Variants in KCNN2 observed in about 807,000 individuals in gnomAD.
KCNN2 encodes potassium calcium-activated channel subfamily N member 2.
A neutral mutation model predicts 55.5 loss-of-function variants in KCNN2; 24 were observed. The ratio of observed to expected loss-of-function variants is 0.43; its 90% CI spans 0.31 to 0.61. The LOEUF (loss-of-function observed/expected upper bound fraction) is 0.61. Among genes scored for constraint, KCNN2 ranks in the 20% least tolerant of loss-of-function variants. KCNN2 has a pLI of 0.08. For synonymous variants in KCNN2, 431 were observed against 336.1 expected, an observed-to-expected ratio of 1.28 and a Z score of -3.09; for missense variants, 754 against 853.6, an observed-to-expected ratio of 0.88 and a Z score of 1.45.
Position 114,356,519 on chromosome 5 carries a change from T to C in KCNN2, c.-184-4426T>C, listed in dbSNP as rs933079052. Among the ~76,000 whole-genome samples the C allele has an allele frequency of 3.9e-5, 6 of 152,126 alleles. No individual in the cohort carries two copies. In the South Asian group the frequency reaches 1.2e-3, roughly 32 times the overall value. On this transcript the variant is annotated intron_variant, in intron 2 of 10. Transcript: ENST00000512097. ...GCAAACTCAGTATGAGTTTTACTTTTGTCTTTTTTTGCTGGCATTGCAGAG... is the reference window on the plus strand; with the variant it reads ...GCAAACTCAGTATGAGTTTTACTTTCGTCTTTTTTTGCTGGCATTGCAGAG...
chr5:114,171,497 A>C (rs1001810169), intron 1 of KCNN2, among the ~76,000 whole-genome samples: 1 of 151,790 alleles, frequency 6.6e-6, no homozygotes, highest in African/African-American at 2.4e-5. Flanking sequence ...ACAGCACTCC[A>C]TTTCTCCTTC....
At chr5:114,495,856 G>T in intron 7 of KCNN2, 39 bp from the exon 8 acceptor site, 3 of 1,583,036 alleles carry the variant, frequency 1.9e-6, no homozygotes, top group Non-Finnish European at 8.6e-7. Flanking sequence ...TGTGTTCAGG[G>T]CAAGTATAAT....
intron 1 of KCNN2, among the ~76,000 whole-genome samples, chr5:114,116,491 C>T (rs535463881): frequency 1.3e-5 from 2 of 152,152 alleles, no homozygotes; most frequent in African/African-American, 4.8e-5. Flanking sequence ...ATATTTTCCT[C>T]ATGTATATAG....
At chr5:114,177,533 G>C (rs931830754) in intron 1 of KCNN2, among the ~76,000 whole-genome samples, 2 of 151,618 alleles carry the variant, frequency 1.3e-5, no homozygotes, top group African/African-American at 4.8e-5. Context: ...AGCCTTGGGG[G>C]ACTTGTGAAA....
intron 2 of KCNN2, among the ~76,000 whole-genome samples, chr5:114,334,286 G>A (rs1469934425): frequency 6.6e-6 from 1 of 151,264 alleles, no homozygotes; most frequent in Admixed American, 6.6e-5. Flanking sequence ...GTGTGTGTGT[G>A]TGTGTGTGTG....
At chr5:114,315,404 C>T (rs1164200397) in intron 2 of KCNN2, among the ~76,000 whole-genome samples, 1 of 149,470 alleles carries the variant, frequency 6.7e-6, no homozygotes, top group Non-Finnish European at 1.5e-5. Context: ...GAGTGTACCA[C>T]CCATGGAAGG....
chr5:114,449,908 A>ACACGCG (rs1309590184), intron 3 of KCNN2, among the ~76,000 whole-genome samples: 7 of 66,188 alleles, frequency 1.1e-4, no homozygotes, highest in African/African-American at 2.4e-4. Flanking sequence ...ACACACACAC[A>ACACGCG]CGCGCGCGCT....
At chr5:114,177,420 G>A (rs10066109) in intron 1 of KCNN2, among the ~76,000 whole-genome samples, 149,835 of 152,192 alleles carry the variant, frequency 0.98, 73,816 homozygotes, top group Middle Eastern at 1. Context: ...TACAGGAGTG[G>A]GCCACGGCAC....
At chr5:114,202,901 T>G (rs539417547) in intron 1 of KCNN2, among the ~76,000 whole-genome samples, 9 of 152,276 alleles carry the variant, frequency 5.9e-5, no homozygotes, top group African/African-American at 2.2e-4. Context: ...ATGCCTAATA[T>G]TAAAGCACAA....
At chr5:114,386,164 C>T (rs1269436352) in intron 2 of KCNN2, among the ~76,000 whole-genome samples, 2 of 125,828 alleles carry the variant, frequency 1.6e-5, no homozygotes, top group African/African-American at 3.1e-5. Context: ...CCTGGGGTGA[C>T]AGAGCGAGAC....
At chr5:114,137,247 G>A (rs952787440) in intron 1 of KCNN2, among the ~76,000 whole-genome samples, 1 of 152,062 alleles carries the variant, frequency 6.6e-6, no homozygotes, top group Non-Finnish European at 1.5e-5. Context: ...AATGTGGGTT[G>A]CAGTACACTC....
chr5:114,263,163 C>G (rs532194849), intron 2 of KCNN2, among the ~76,000 whole-genome samples: 5 of 151,638 alleles, frequency 3.3e-5, no homozygotes, highest in Non-Finnish European at 5.9e-5. Flanking sequence ...TGGCAGAAAG[C>G]TGAAAAAGGA....
intron 2 of KCNN2, among the ~76,000 whole-genome samples, chr5:114,320,393 C>G (rs1380835343): frequency 1.3e-5 from 2 of 152,068 alleles, no homozygotes; most frequent in Non-Finnish European, 2.9e-5. Context: ...GCGGGCGGAT[C>G]ATGAGGTCAG....
intron 2 of KCNN2, among the ~76,000 whole-genome samples, chr5:114,236,381 T>C (rs1754492829): frequency 7.5e-6 from 1 of 133,790 alleles, no homozygotes; most frequent in Non-Finnish European, 1.6e-5. Context: ...TGTTTTTTTC[T>C]TTAGACTTTA....
chr5:114,091,417 G>A (rs1751142199), intron 1 of KCNN2, among the ~76,000 whole-genome samples: 1 of 152,144 alleles, frequency 6.6e-6, no homozygotes, highest in Non-Finnish European at 1.5e-5. Flanking sequence ...TAGAGTAGGA[G>A]AGAATGAGGT....
At chr5:114,108,135 A>G (rs1042908909) in intron 1 of KCNN2, among the ~76,000 whole-genome samples, 56 of 152,142 alleles carry the variant, frequency 3.7e-4, no homozygotes, top group African/African-American at 1.3e-3. Flanking sequence ...ACAGTGTTGC[A>G]TAGAACTGGT....
At chr5:114,201,026 G>T (rs2112572043) in intron 1 of KCNN2, among the ~76,000 whole-genome samples, 1 of 152,156 alleles carries the variant, frequency 6.6e-6, no homozygotes, top group African/African-American at 2.4e-5. Flanking sequence ...GCTTGTAGTG[G>T]GAGTGGTGGA....
chr5:114,488,818 A>G (rs1747706399), intron 6 of KCNN2, among the ~76,000 whole-genome samples: 1 of 152,154 alleles, frequency 6.6e-6, no homozygotes, highest in Admixed American at 6.5e-5. Flanking sequence ...ATGCATGGCA[A>G]AATCATTTTT....
chr5:114,094,498 T>C (rs1751216669), intron 1 of KCNN2, among the ~76,000 whole-genome samples: 1 of 152,244 alleles, frequency 6.6e-6, no homozygotes, highest in African/African-American at 2.4e-5. Context: ...GACAGTGTCC[T>C]GCCATTCTGG....
Sources: allele counts gnomAD v4.1 joint callset (sites outside exome capture counted in the v4.1 genomes callset), GRCh38; gene constraint gnomAD v4.1.1; transcripts MANE v1.5; gene names NCBI Gene and HGNC (gene_info 2026-07-23, HGNC 2026-07-21).